The following ANGPT1 variants were observed in gnomAD, a reference collection of about 807,000 sequenced individuals.
ANGPT1 encodes the protein angiopoietin-1.
Under a neutral mutation model 62.2 loss-of-function variants are expected in ANGPT1, and 17 were observed. That is an observed-to-expected ratio of 0.27 (90% CI 0.19 to 0.41). The LOEUF is 0.41. Ranked by LOEUF, ANGPT1 falls within the 10% of genes least tolerant of loss-of-function variation. The pLI, the probability that ANGPT1 is intolerant of heterozygous loss-of-function variation, is 1.00. For synonymous variants in ANGPT1, 199 were observed against 198.9 expected (o/e 1.00, Z 0.00); for missense variants, 478 against 594.9 (o/e 0.80, Z 2.04).
chr8:107,326,355 G>A (rs1016855394), intron 3 of ANGPT1, among the ~76,000 whole-genome samples: 9 of 152,076 alleles, frequency 5.9e-5, no homozygotes, highest in African/African-American at 1.9e-4. Context: ...TTCACTTGGA[G>A]CGCCCTTAAT....
chr8:107,457,486 C>T (rs866429823), intron 1 of ANGPT1, among the ~76,000 whole-genome samples: 3 of 151,904 alleles, frequency 2.0e-5, no homozygotes, highest in African/African-American at 7.3e-5. Context: ...CCACATGAGG[C>T]TTCTTTGTGG....
At chr8:107,398,088 G>A (rs1184054325) in intron 1 of ANGPT1, among the ~76,000 whole-genome samples, 1 of 152,080 alleles carries the variant, frequency 6.6e-6, no homozygotes, top group African/African-American at 2.4e-5. Context: ...ATTATGGGAG[G>A]GATAGAAGTG....
intron 2 of ANGPT1, among the ~76,000 whole-genome samples, chr8:107,341,394 A>G (rs143135559): frequency 0.011 from 1,717 of 152,240 alleles, 22 homozygotes; most frequent in Middle Eastern, 0.02. Context: ...ATCAGGGAAA[A>G]AAAGTAGAAG....
chr8:107,355,011 A>G (rs1048054790), intron 1 of ANGPT1, among the ~76,000 whole-genome samples: 4 of 151,652 alleles, frequency 2.6e-5, no homozygotes, highest in Non-Finnish European at 4.4e-5. Flanking sequence ...CTCGGGTTCA[A>G]GTGGTTTCCT....
At chr8:107,290,781 GA>G (rs758164153) in intron 6 of ANGPT1, among the ~76,000 whole-genome samples, 9 of 152,250 alleles carry the variant, frequency 5.9e-5, no homozygotes, top group Non-Finnish European at 1.3e-4. Flanking sequence ...AAAAAGGGAG[GA>G]GGGGTAAACT....
intron 5 of ANGPT1, among the ~76,000 whole-genome samples, chr8:107,301,236 CTA>C (rs377094733): frequency 7.5e-4 from 114 of 152,038 alleles, no homozygotes; most frequent in African/African-American, 2.5e-3. Flanking sequence ...CACAGAATCA[CTA>C]TGAGTCTAAA....
chr8:107,257,961 T>A (rs1193237983), intron 8 of ANGPT1, among the ~76,000 whole-genome samples: 1 of 150,402 alleles, frequency 6.6e-6, no homozygotes. Context: ...TTTCTTTCCT[T>A]TCTTTCCTTT....
chr8:107,469,986 T>C (rs915095237), intron 1 of ANGPT1, among the ~76,000 whole-genome samples: 8 of 152,086 alleles, frequency 5.3e-5, no homozygotes, highest in Non-Finnish European at 1.5e-5. Context: ...CCACTCTATG[T>C]AGGTTTAAAA....
chr8:107,365,211 G>T (rs1292599126), intron 1 of ANGPT1, among the ~76,000 whole-genome samples: 1 of 152,064 alleles, frequency 6.6e-6, no homozygotes, highest in Non-Finnish European at 1.5e-5. Flanking sequence ...TCAATGCAAT[G>T]GTAAGACAAG....
At chr8:107,301,364 A>AT (rs760348583) in intron 5 of ANGPT1, among the ~76,000 whole-genome samples, 12 of 151,888 alleles carry the variant, frequency 7.9e-5, no homozygotes, top group Non-Finnish European at 1.5e-4. Context: ...CTGTAGGTAA[A>AT]TGATAAAGCA....
intron 1 of ANGPT1, among the ~76,000 whole-genome samples, chr8:107,408,237 T>C (rs1425339919): frequency 6.6e-6 from 1 of 152,178 alleles, no homozygotes; most frequent in East Asian, 1.9e-4. Flanking sequence ...CTTCTAAATG[T>C]TTGCTATTTT....
chr8:107,272,494 T>G (rs1813759884), intron 7 of ANGPT1, among the ~76,000 whole-genome samples: 1 of 152,028 alleles, frequency 6.6e-6, no homozygotes, highest in African/African-American at 2.4e-5. Context: ...AATGAGCTTA[T>G]CAACCTTCCA....
At chr8:107,469,685 C>T (rs759180226) in intron 1 of ANGPT1, among the ~76,000 whole-genome samples, 13 of 151,950 alleles carry the variant, frequency 8.6e-5, no homozygotes, top group East Asian at 1.9e-4. Flanking sequence ...ACTACACATC[C>T]GCCTTAAATT....
chr8:107,398,179 A>G (rs1163466795), intron 1 of ANGPT1, among the ~76,000 whole-genome samples: 1 of 152,210 alleles, frequency 6.6e-6, no homozygotes, highest in Non-Finnish European at 1.5e-5. Context: ...CCAAAAGAGT[A>G]GAAACAGTTT....
At chr8:107,309,727 T>G (rs2130004642) in intron 4 of ANGPT1, among the ~76,000 whole-genome samples, 1 of 152,320 alleles carries the variant, frequency 6.6e-6, no homozygotes, top group East Asian at 1.9e-4. Flanking sequence ...GGTTGGTATT[T>G]TTTTCTTGTA....
In ANGPT1 at chr8:107,250,683, TTTATAA is replaced by T. The variant is rs1320559217; in HGVS notation, c.*1166_*1171del. The T allele has an allele frequency of 1.3e-5, 2 of 152,116 alleles. No individual in the cohort carries two copies. Among genetic ancestry groups the T allele is most frequent in the African/African-American group, 4.8e-5 (2 of 41,458 alleles). 9.4% of individuals were successfully genotyped at this position (152,116 alleles called of 1,614,324 possible). A position where few individuals can be genotyped will look rare whatever the true frequency, so the allele number is the denominator to read the frequency against. ...TATAAACATGCTATGTACAATGATA[TTTATAA>T]TTATTTTATTTTTTATAGACTTCAA... is the stretch of plus-strand genomic sequence containing the variant. On this transcript the variant is annotated 3_prime_UTR_variant, in exon 9 of 9. Coordinates refer to ENST00000517746, the MANE Select transcript of ANGPT1 (RefSeq NM_001146.5).
rs117131144 is a variant in ANGPT1, at chr8:107,379,601, T to C, written c.298-32504A>G. 1.1e-4 allele frequency among the ~76,000 whole-genome samples: 16 copies of C among 152,188 alleles called. No homozygotes were observed. In the East Asian group the frequency reaches 1.5e-3, roughly 15 times the overall value. On this transcript the variant is annotated intron_variant, in intron 1 of 8. Coordinates refer to ENST00000517746, the MANE Select transcript of ANGPT1 (RefSeq NM_001146.5). ...ATGATTGTGGTTTAAAGTAAAGATATTGACACTAAACCTGTACCCATTCTA... is the reference window on the plus strand; with the variant it reads ...ATGATTGTGGTTTAAAGTAAAGATACTGACACTAAACCTGTACCCATTCTA...
intron 1 of ANGPT1, among the ~76,000 whole-genome samples, chr8:107,358,095 A>T (rs529205577): frequency 1.3e-3 from 196 of 152,272 alleles, no homozygotes; most frequent in Non-Finnish European, 2.1e-3. Context: ...GTGCATATAT[A>T]TGTGTATGCG....
intron 2 of ANGPT1, among the ~76,000 whole-genome samples, chr8:107,338,256 T>C (rs893613288): frequency 2.6e-5 from 4 of 152,092 alleles, no homozygotes; most frequent in Non-Finnish European, 4.4e-5. Context: ...CTTAAAGGGG[T>C]GCCAGAAATC....
Sources: allele counts gnomAD v4.1 joint callset (sites outside exome capture counted in the v4.1 genomes callset), GRCh38; gene constraint gnomAD v4.1.1; transcripts MANE v1.5; gene names NCBI Gene and HGNC (gene_info 2026-07-23, HGNC 2026-07-21).